Variants in CDH23 observed in about 807,000 individuals in gnomAD.
CDH23 encodes cadherin-23.
A neutral mutation model predicts 317.1 loss-of-function variants in CDH23; 189 were observed. The observed-to-expected ratio is 0.60, with a 90% CI of 0.53 to 0.67. The LOEUF (loss-of-function observed/expected upper bound fraction) is 0.67. Ranked by LOEUF, CDH23 falls within the 30% of genes least tolerant of loss-of-function variation. The probability of loss-of-function intolerance (pLI) is 0.00; values close to 1 mark genes in which losing one functional copy is unlikely to be tolerated. For missense variants in CDH23, 4,401 were observed against 4,592.4 expected (o/e 0.96, Z 1.20); for synonymous variants, 1,839 against 1,876.8 (o/e 0.98, Z 0.52).
intron 38 of CDH23, among the ~76,000 whole-genome samples, chr10:71,777,124 T>C (rs1473896144): frequency 5.3e-5 from 8 of 152,254 alleles, no homozygotes; most frequent in African/African-American, 1.7e-4. Flanking sequence ...CAACAAGTTC[T>C]GCCCACGAAA....
At chr10:71,425,848 C>T (rs539681699) in intron 1 of CDH23, among the ~76,000 whole-genome samples, 1 of 152,336 alleles carries the variant, frequency 6.6e-6, no homozygotes, top group East Asian at 1.9e-4. Flanking sequence ...GAGTTAAAGT[C>T]ATCACGGAGG....
intron 14 of CDH23, among the ~76,000 whole-genome samples, chr10:71,656,161 G>T (rs982688914): frequency 2.6e-5 from 4 of 152,174 alleles, no homozygotes; most frequent in Non-Finnish European, 5.9e-5. Context: ...AGGGTAGGGA[G>T]GTGTAATGGC....
At chr10:71,736,031 G>C (rs947791502) in intron 34 of CDH23, among the ~76,000 whole-genome samples, 2 of 152,252 alleles carry the variant, frequency 1.3e-5, no homozygotes, top group African/African-American at 2.4e-5. Flanking sequence ...CAGGTGTTGC[G>C]AGAAGGCTGG....
At chr10:71,427,863 C>A (rs1849177843) in intron 1 of CDH23, among the ~76,000 whole-genome samples, 1 of 151,320 alleles carries the variant, frequency 6.6e-6, no homozygotes. Flanking sequence ...CAGGCGCATG[C>A]TGCTATGCCT....
Position 71,784,361 on chromosome 10 carries a change from G to A in CDH23, c.5443G>A (p.Ala1815Thr), listed in dbSNP as rs199581934. 4.4e-5 allele frequency: 71 copies of A among 1,613,816 alleles called. No individual in the cohort carries two copies. Among genetic ancestry groups the A allele is most frequent in the Non-Finnish European group, 5.2e-5 (61 of 1,179,850 alleles). Residue 1815 changes from alanine (A) to threonine (T), a missense_variant, in exon 42 of 70, where the codon GCC (alanine) becomes ACC (threonine). Transcript: ENST00000224721. ...CGTGGAGCTGGACCGGGAGACCATC[G>A]CCTTCTACAACCTGACCATCTGTGC... ...KDVELDRETI[A>T]FYNLTICARD...
chr10:71,432,532 G>A (rs1849443584), intron 1 of CDH23, among the ~76,000 whole-genome samples: 1 of 152,036 alleles, frequency 6.6e-6, no homozygotes, highest in African/African-American at 2.4e-5. Flanking sequence ...GTGGGTGAGT[G>A]TGTGAGAGAG....
At chr10:71,628,038 C>T (rs1388096396) in intron 11 of CDH23, among the ~76,000 whole-genome samples, 2 of 152,214 alleles carry the variant, frequency 1.3e-5, no homozygotes, top group African/African-American at 4.8e-5. Context: ...TTGGCCACCC[C>T]ACCTCATACC....
In CDH23 at chr10:71,605,645, A is replaced by C. The variant is rs183542455; in HGVS notation, c.833-9859A>C. Among the ~76,000 whole-genome samples the C allele has an allele frequency of 2.6e-4, 40 of 152,308 alleles. 1 individual carries two copies. The highest frequency in any genetic ancestry group is 9.4e-4 in the African/African-American group (39 of 41,562). Reference sequence around the variant, plus strand: ...AAAAGTATCTTATGGAACTGTGCTGATCATTGTCCTTTTTTAAAACACATC... The same window carrying C: ...AAAAGTATCTTATGGAACTGTGCTGCTCATTGTCCTTTTTTAAAACACATC... On this transcript the variant is annotated intron_variant, in intron 9 of 69. Coordinates refer to ENST00000224721, the MANE Select transcript of CDH23 (RefSeq NM_022124.6).
intron 22 of CDH23, among the ~76,000 whole-genome samples, chr10:71,700,820 A>G (rs1415220541): frequency 6.6e-6 from 1 of 152,070 alleles, no homozygotes; most frequent in African/African-American, 2.4e-5. Context: ...GGCAGATGGG[A>G]GTTCTCAGCC....
Position 71,806,225 on chromosome 10 carries a change from C to A in CDH23, c.8122C>A (p.Leu2708Met), listed in dbSNP as rs1841715973. The A allele has an allele frequency of 6.3e-7, 1 of 1,579,104 alleles. No homozygotes were observed. Among genetic ancestry groups the A allele is most frequent in the East Asian group, 2.3e-5 (1 of 42,976 alleles). ...QPVPYETMQP[L>M]QVALEDIDDN... Reference sequence around the variant, plus strand: ...AGTGCCATACGAGACTATGCAGCCGCTGCAGGTGGCCCTGGAGGACATCGA... The same window carrying A: ...AGTGCCATACGAGACTATGCAGCCGATGCAGGTGGCCCTGGAGGACATCGA... Residue 2708 changes from leucine (L) to methionine (M), a missense_variant, in exon 57 of 70, where the codon CTG (leucine) becomes ATG (methionine). Transcript: ENST00000224721.
At chr10:71,669,191 T>G (rs1287547567) in intron 14 of CDH23, among the ~76,000 whole-genome samples, 3 of 152,162 alleles carry the variant, frequency 2.0e-5, no homozygotes, top group Admixed American at 2.0e-4. Flanking sequence ...TCCTGAGGCC[T>G]TCTCCAGGCC....
At chr10:71,556,585 CAA>C (rs61508146) in intron 6 of CDH23, among the ~76,000 whole-genome samples, 6 of 121,762 alleles carry the variant, frequency 4.9e-5, no homozygotes, top group Admixed American at 1.6e-4. Flanking sequence ...GACTCGGTCT[CAA>C]AAAAAAAAAA....
At chr10:71,411,878 T>C (rs947936768) in intron 1 of CDH23, among the ~76,000 whole-genome samples, 11 of 152,216 alleles carry the variant, frequency 7.2e-5, no homozygotes, top group African/African-American at 2.4e-4. Flanking sequence ...ATATTCACAG[T>C]GTTGTGCAAC....
chr10:71,773,338 C>A, intron 38 of CDH23: 1 of 1,594,388 alleles, frequency 6.3e-7, no homozygotes, highest in East Asian at 2.3e-5. Flanking sequence ...TTCCCAGCGC[C>A]CCGCCTCCCC....
chr10:71,464,004 T>C (rs1851133500), intron 3 of CDH23, among the ~76,000 whole-genome samples: 1 of 152,248 alleles, frequency 6.6e-6, no homozygotes, highest in African/African-American at 2.4e-5. Context: ...TTAATCCTTA[T>C]GACAACCTGT....
chr10:71,453,459 A>G (rs1192198197), intron 3 of CDH23, among the ~76,000 whole-genome samples: 1 of 152,230 alleles, frequency 6.6e-6, no homozygotes, highest in Non-Finnish European at 1.5e-5. Context: ...GGGAGGGCAG[A>G]TGGTGGGCTT....
At chr10:71,406,871 C>T (rs919429123) in intron 1 of CDH23, among the ~76,000 whole-genome samples, 4 of 152,130 alleles carry the variant, frequency 2.6e-5, no homozygotes, top group African/African-American at 4.8e-5. Context: ...GCATGTGGCC[C>T]ATAGATGGCC....
chr10:71,537,486 T>C (rs1456024896), intron 6 of CDH23, among the ~76,000 whole-genome samples: 1 of 152,240 alleles, frequency 6.6e-6, no homozygotes, highest in Non-Finnish European at 1.5e-5. Context: ...TTGGTATCAC[T>C]GATGCTGAGG....
rs148509558 is a variant in CDH23 at position 71,459,702 on chromosome 10, G to A, written c.145+13307G>A. On this transcript the variant is annotated intron_variant, in intron 3 of 69. Transcript: ENST00000224721. The stretch of plus-strand genomic sequence containing the variant: ...CCTACCAACAGGTGGTGCAAGCGCT[G>A]GTGGGCCCTGGCAGCGGGCAACTCT... Among the ~76,000 whole-genome samples the A allele has an allele frequency of 4.7e-3, 717 of 152,310 alleles. 5 individuals are homozygous for A. The highest frequency in any genetic ancestry group is 0.016 in the African/African-American group (685 of 41,564).
Sources: allele counts gnomAD v4.1 joint callset (sites outside exome capture counted in the v4.1 genomes callset), GRCh38; gene constraint gnomAD v4.1.1; transcripts MANE v1.5; gene names NCBI Gene and HGNC (gene_info 2026-07-23, HGNC 2026-07-21).